Variants in RNF150 observed in about 807,000 individuals in gnomAD.
The protein encoded by RNF150 is ring finger protein 150.
Under a neutral mutation model 39.3 loss-of-function variants are expected in RNF150, and 24 were observed. The observed-to-expected ratio is 0.61, with a 90% CI of 0.44 to 0.86. The LOEUF (loss-of-function observed/expected upper bound fraction) is 0.86. Ranked by LOEUF, RNF150 falls within the 40% of genes least tolerant of loss-of-function variation. The pLI is 0.00. For missense variants in RNF150, 502 were observed against 587.8 expected (o/e 0.85, Z 1.51); for synonymous variants, 255 against 227.3 (o/e 1.12, Z -1.10).
intron 1 of RNF150, among the ~76,000 whole-genome samples, chr4:140,977,472 A>C (rs1490135995): frequency 6.6e-6 from 1 of 152,180 alleles, no homozygotes; most frequent in African/African-American, 2.4e-5. Context: ...GAAAGAGGAG[A>C]GCCATAAATA....
intron 1 of RNF150, among the ~76,000 whole-genome samples, chr4:140,990,941 C>T (rs4956498): frequency 0.14 from 21,600 of 152,140 alleles, 1,920 homozygotes; most frequent in East Asian, 0.36. Context: ...AAGTAATCTA[C>T]ATTCCCAGCA....
intron 6 of RNF150, among the ~76,000 whole-genome samples, chr4:140,910,074 TG>T (rs1318373713): frequency 4.6e-5 from 7 of 152,318 alleles, no homozygotes; most frequent in African/African-American, 1.7e-4. Flanking sequence ...TTTTTTAGTC[TG>T]TTCTTTCTTT....
At chr4:141,175,655 C>T (rs980448778) in intron 1 of RNF150, among the ~76,000 whole-genome samples, 1 of 152,196 alleles carries the variant, frequency 6.6e-6, no homozygotes, top group Non-Finnish European at 1.5e-5. Flanking sequence ...ATTGATTGCA[C>T]TCAGAACATC....
In RNF150 at chr4:141,133,103, G is replaced by GAT; in HGVS notation, c.-296_-295insAT. 3 of 351,836 alleles carry GAT rather than the reference G, an allele frequency of 8.5e-6. No homozygotes were observed. Among genetic ancestry groups the GAT allele is most frequent in the Non-Finnish European group, 1.6e-5 (3 of 191,994 alleles). 21.8% of individuals were successfully genotyped at this position (351,836 alleles called of 1,614,324 possible). On this transcript the variant is annotated 5_prime_UTR_variant, in exon 1 of 7. An upstream open reading frame in the 5' UTR gains an earlier in-frame stop. Transcript: ENST00000515673. ...GCTTGCGGAGGAGTCCTGCTGCCGAGCGTCCTGCTCCTTCGCCCGGCTTCG... is the reference window on the plus strand; with the variant it reads ...GCTTGCGGAGGAGTCCTGCTGCCGAGATCGTCCTGCTCCTTCGCCCGGCTTCG...
chr4:140,898,452 GT>G (rs1730042937), intron 6 of RNF150, among the ~76,000 whole-genome samples: 1 of 152,162 alleles, frequency 6.6e-6, no homozygotes, highest in South Asian at 2.1e-4. Context: ...TATGCGTGCA[GT>G]CATGCATTTA....
rs1736464240 is a variant in RNF150, at chr4:141,043,972, T to C, written c.485-76099A>G. On this transcript the variant is annotated intron_variant, in intron 1 of 6. Coordinates refer to ENST00000515673, the MANE Select transcript of RNF150 (RefSeq NM_020724.2). ...ATTGATGAAGCACTTAGGTTCTTTA[T>C]ATACATTGTCTCATCTAACACTCAC... Among the ~76,000 whole-genome samples, 3 of 152,240 alleles carry C rather than the reference T, an allele frequency of 2.0e-5. No individual in the cohort carries two copies. In the South Asian group the frequency reaches 6.2e-4, roughly 32 times the overall value.
At chr4:141,114,205 A>G (rs186785266) in intron 1 of RNF150, among the ~76,000 whole-genome samples, 2 of 152,182 alleles carry the variant, frequency 1.3e-5, no homozygotes, top group Non-Finnish European at 2.9e-5. Flanking sequence ...TTCAAAAAAA[A>G]TTGATGAATC....
intron 6 of RNF150, among the ~76,000 whole-genome samples, chr4:140,902,740 T>C (rs1730231480): frequency 1.3e-5 from 2 of 152,158 alleles, no homozygotes; most frequent in Admixed American, 6.5e-5. Context: ...AGGACCATGA[T>C]ATTTGGAGAC....
In RNF150 at chr4:140,911,171, C is replaced by G; in HGVS notation, c.1171G>C (p.Glu391Gln). The G allele has an allele frequency of 1.2e-6, 2 of 1,614,144 alleles. No individual in the cohort carries two copies. The highest frequency in any genetic ancestry group is 1.7e-6 in the Non-Finnish European group (2 of 1,179,986). ...TTAGTAGTAAAGATGACGTCTCCCT[C>G]CTGGGGGATGGGGTCTGTATCCTGG... ...VVQDTDPIPQEGDVIFTTNSE... is the reference protein window; with the variant it reads ...VVQDTDPIPQQGDVIFTTNSE... Residue 391 changes from glutamate (E) to glutamine (Q), a missense_variant, in exon 6 of 7, where the codon GAG becomes CAG. By Grantham distance (29) the Glu-to-Gln change is conservative. Coordinates refer to ENST00000515673, the MANE Select transcript of RNF150 (RefSeq NM_020724.2).
intron 5 of RNF150, among the ~76,000 whole-genome samples, chr4:140,915,284 G>A (rs1307787561): frequency 6.6e-6 from 1 of 152,214 alleles, no homozygotes; most frequent in Non-Finnish European, 1.5e-5. Context: ...ATTTGTTTAA[G>A]CTGCATAAAA....
chr4:141,162,325 T>C (rs1477196684), intron 1 of RNF150, among the ~76,000 whole-genome samples: 1 of 152,214 alleles, frequency 6.6e-6, no homozygotes, highest in Admixed American at 6.5e-5. Context: ...CCACTTGCAT[T>C]TGGCTGATTT....
chr4:141,097,099 GCA>G (rs1738816875), intron 1 of RNF150, among the ~76,000 whole-genome samples: 1 of 152,214 alleles, frequency 6.6e-6, no homozygotes, highest in African/African-American at 2.4e-5. Context: ...ATTAGCATCT[GCA>G]ATATCAAACT....
intron 1 of RNF150, among the ~76,000 whole-genome samples, chr4:141,014,010 C>G (rs889772991): frequency 6.6e-6 from 1 of 152,118 alleles, no homozygotes; most frequent in African/African-American, 2.4e-5. Context: ...AGCCCAGCCA[C>G]TGGTAACCAT....
intron 2 of RNF150, among the ~76,000 whole-genome samples, chr4:140,962,415 GTATA>G (rs1046150619): frequency 6.6e-6 from 1 of 150,952 alleles, no homozygotes; most frequent in Non-Finnish European, 1.5e-5. Flanking sequence ...ATGAAGATGT[GTATA>G]TATATATTTC....
chr4:140,877,822 C>T lies in RNF150; in HGVS notation c.1199-9443G>A, dbSNP rs1560944135. ...CCAAGAGGATTCATGAAGTAGGTTA[C>T]ATGTAGGCTGGCAGTGAGGATCTAA... On this transcript the variant is annotated intron_variant, in intron 6 of 6. Transcript: ENST00000515673. Among the ~76,000 whole-genome samples, 3 of 152,168 alleles carry T rather than the reference C, an allele frequency of 2.0e-5. No individual in the cohort carries two copies. The South Asian group carries it at 6.2e-4, about 32-fold the overall frequency.
intron 1 of RNF150, among the ~76,000 whole-genome samples, chr4:141,138,947 CTG>C (rs1207590164): frequency 2.0e-5 from 3 of 152,106 alleles, no homozygotes. Flanking sequence ...TGACTCAAGT[CTG>C]TAATATCAGT....
chr4:141,074,007 G>A (rs1394474074), intron 1 of RNF150, among the ~76,000 whole-genome samples: 1 of 151,810 alleles, frequency 6.6e-6, no homozygotes, highest in Admixed American at 6.6e-5. Flanking sequence ...CCCCCATCCT[G>A]GACTTCTGGG....
At chr4:140,926,246 T>C (rs1396776036) in intron 4 of RNF150, among the ~76,000 whole-genome samples, 173 bp from the exon 5 acceptor site, 1 of 152,208 alleles carries the variant, frequency 6.6e-6, no homozygotes, top group Admixed American at 6.5e-5. Context: ...TGTGGTGATA[T>C]AGTCAAAATC....
At chr4:141,000,013 AG>A (rs1441888618) in intron 1 of RNF150, among the ~76,000 whole-genome samples, 6,410 of 41,810 alleles carry the variant, frequency 0.15, 1,383 homozygotes, top group Non-Finnish European at 0.21. Flanking sequence ...AAGAAGAAGA[AG>A]AAGAAGAAGA....
Sources: allele counts gnomAD v4.1 joint callset (sites outside exome capture counted in the v4.1 genomes callset), GRCh38; gene constraint gnomAD v4.1.1; transcripts MANE v1.5; gene names NCBI Gene and HGNC (gene_info 2026-07-23, HGNC 2026-07-21).